The following IL5RA variants were observed in gnomAD, a reference collection of about 807,000 sequenced individuals.
IL5RA encodes interleukin 5 receptor subunit alpha.
Under a neutral mutation model 50.0 loss-of-function variants are expected in IL5RA, and 49 were observed. The ratio of observed to expected loss-of-function variants is 0.98; its 90% CI spans 0.78 to 1.24. The LOEUF (loss-of-function observed/expected upper bound fraction) is 1.24, where lower values mean the gene tolerates loss of function less well. IL5RA is among the 50% of genes most tolerant of loss of function. IL5RA has a pLI of 0.00. For synonymous variants in IL5RA, 202 were observed against 174.0 expected, an observed-to-expected ratio of 1.16 and a Z score of -1.26; for missense variants, 600 against 500.4, an observed-to-expected ratio of 1.20 and a Z score of -1.90.
chr3:3,098,159 T>C lies in IL5RA; in HGVS notation c.499A>G (p.Thr167Ala), dbSNP rs1170561178. The C allele has an allele frequency of 3.1e-6, 5 of 1,614,058 alleles. No individual in the cohort carries two copies. In the East Asian group the frequency reaches 8.9e-5, roughly 29 times the overall value. ...WLVGTDAPEDTQYFLYYRYGS... is the reference protein window; with the variant it reads ...WLVGTDAPEDAQYFLYYRYGS... ...AACCTATAGTAGAGAAAATACTGCG[T>C]GTCCTCAGGGGCATCTGTGCCAACA... Residue 167 changes from threonine (T) to alanine (A), a missense_variant, in exon 6 of 12, where the codon ACG (threonine) becomes GCG (alanine). Transcript: ENST00000446632.
intron 10 of IL5RA, among the ~76,000 whole-genome samples, chr3:3,075,553 A>G (rs767557858): frequency 1.8e-4 from 27 of 151,050 alleles, no homozygotes; most frequent in East Asian, 2.0e-4. Flanking sequence ...CAAACTGTAG[A>G]TGCCATCCGA....
At position 3,084,977 on chromosome 3, in the gene IL5RA, C is replaced by A. The variant is rs78008881; in HGVS notation, c.994+7247G>T. ...TAGGCACCAATAGAGGTGGCTGCGC[C>A]TGAAAGCACTGTGGGAACTCCCTGC... On this transcript the variant is annotated intron_variant, in intron 9 of 11. Coordinates refer to ENST00000446632, the MANE Select transcript of IL5RA (RefSeq NM_175726.4). Among the ~76,000 whole-genome samples the A allele has an allele frequency of 6.5e-4, 99 of 152,368 alleles. 1 individual carries two copies. In the East Asian group the frequency reaches 0.017, roughly 27 times the overall value.
rs1214451320 is a variant in IL5RA, at chr3:3,074,241, ATT to A, written c.1176+539_1176+540del. ...CTGAAAATTCTCTATTAACTAAGATATTCATGTGGAAACATGGAGTCTTAAAA... is the reference window on the plus strand; with the variant it reads ...CTGAAAATTCTCTATTAACTAAGATACATGTGGAAACATGGAGTCTTAAAA... On this transcript the variant is annotated intron_variant, in intron 11 of 11. Transcript: ENST00000446632. Among the ~76,000 whole-genome samples the A allele has an allele frequency of 2.6e-5, 4 of 152,362 alleles. No individual in the cohort carries two copies. In the East Asian group the frequency reaches 7.7e-4, roughly 29 times the overall value.
At chr3:3,077,245 T>C (rs935157074) in intron 9 of IL5RA, among the ~76,000 whole-genome samples, 62 of 152,390 alleles carry the variant, frequency 4.1e-4, no homozygotes, top group African/African-American at 1.5e-3. Context: ...ATGCCACTTA[T>C]TCTCTGTTTA....
rs760670295 is a variant in IL5RA, at chr3:3,068,587, C to CAAAAAAAAAA, written c.*1628_*1637dup. ...AAGACTGTCTCCACCACCCACCCCA[C>CAAAAAAAAAA]AAAAAAAAAAAAAAAAAAAAACAAA... On this transcript the variant is annotated 3_prime_UTR_variant, in exon 12 of 12. Transcript: ENST00000446632. 84 of 35,550 alleles carry CAAAAAAAAAA rather than the reference C, an allele frequency of 2.4e-3. 6 individuals are homozygous for CAAAAAAAAAA. Among genetic ancestry groups the CAAAAAAAAAA allele is most frequent in the African/African-American group, 7.1e-3 (80 of 11,296 alleles). The allele number at this position is 35,550 out of a possible 1,614,324, so 2.2% of individuals were successfully genotyped here. A position where few individuals can be genotyped will look rare whatever the true frequency, so the allele number is the denominator to read the frequency against.
chr3:3,104,997 AC>A lies in IL5RA; in HGVS notation c.-3-11del. Reference sequence around the variant, plus strand: ...CCACGATGATCATATCCTACAGAAAACAAGGGAGATACCAAAATCATCTTGT... The same window carrying A: ...CCACGATGATCATATCCTACAGAAAAAAGGGAGATACCAAAATCATCTTGT... On this transcript the variant is annotated splice_polypyrimidine_tract_variant and intron_variant, in intron 2 of 11. Transcript: ENST00000446632. The A allele has an allele frequency of 6.4e-7, 1 of 1,572,516 alleles. No individual in the cohort carries two copies. The highest frequency in any genetic ancestry group is 1.1e-5 in the South Asian group (1 of 87,604).
chr3:3,107,247 A>G (rs1020238826), intron 2 of IL5RA, among the ~76,000 whole-genome samples: 3 of 77,934 alleles, frequency 3.8e-5, no homozygotes, highest in African/African-American at 8.5e-5. Context: ...AAAAAGAATG[A>G]CATTTTTTTT....
rs1274879772 is a variant in IL5RA at position 3,074,802 on chromosome 3, A to G, written c.1156T>C (p.Phe386Leu). Residue 386 changes from phenylalanine to leucine, a missense_variant, in exon 11 of 12, where the codon TTT becomes CTT. Physicochemically the swap from Phe to Leu is conservative, Grantham distance 22. Transcript: ENST00000446632. ...ATTACCTCATAGTTAGTGGTTACAA[A>G]GAGATCTTTGATATTACTTTTTGGT... is the stretch of plus-strand genomic sequence containing the variant. ...PAPKSNIKDL[F>L]VTTNYEKAGS... is the part of the protein sequence containing the mutation. 3 of 1,604,820 alleles carry G rather than the reference A, an allele frequency of 1.9e-6. No individual in the cohort carries two copies. The highest frequency in any genetic ancestry group is 2.6e-6 in the Non-Finnish European group (3 of 1,171,516).
rs775147545 is a variant in IL5RA at position 3,104,874 on chromosome 3, CATT to C, written c.82+26_82+28del. 4.5e-6 allele frequency: 6 copies of C among 1,346,290 alleles called. No homozygotes were observed. The East Asian group carries it at 6.9e-5, about 15-fold the overall frequency. 83.4% of individuals were successfully genotyped at this position (1,346,290 alleles called of 1,614,324 possible). On this transcript the variant is annotated intron_variant, in intron 3 of 11. Transcript: ENST00000446632. ...TTACTAACATATTTTTAAAAATAAA[CATT>C]ATTGAATTGAATAGAAGGTCCTTAC...
At position 3,067,173 on chromosome 3, in the gene IL5RA, T is replaced by G. The variant is rs1448903090; in HGVS notation, c.*3052A>C. The G allele has an allele frequency of 6.6e-6, 1 of 152,214 alleles. No homozygotes were observed. Among genetic ancestry groups the G allele is most frequent in the Non-Finnish European group, 1.5e-5 (1 of 68,046 alleles). 9.4% of individuals were successfully genotyped at this position (152,214 alleles called of 1,614,324 possible). A position where few individuals can be genotyped will look rare whatever the true frequency, so the allele number is the denominator to read the frequency against. On this transcript the variant is annotated 3_prime_UTR_variant, in exon 12 of 12. Transcript: ENST00000446632. The stretch of plus-strand genomic sequence containing the variant: ...TCTGAAATGCCTCTTACACAGCAAT[T>G]TATACATAACCATTTAGACACTTTG...
In IL5RA at chr3:3,070,091, G is replaced by T; in HGVS notation, c.*134C>A. 3.0e-6 allele frequency: 2 copies of T among 669,572 alleles called. No individual in the cohort carries two copies. The highest frequency in any genetic ancestry group is 5.4e-6 in the Non-Finnish European group (2 of 371,084). The allele number at this position is 669,572 out of a possible 1,614,324, so 41.5% of individuals were successfully genotyped here. On this transcript the variant is annotated 3_prime_UTR_variant, in exon 12 of 12. Coordinates refer to ENST00000446632, the MANE Select transcript of IL5RA (RefSeq NM_175726.4). ...TAAGAGATACAAGACTGGTGTGTCT[G>T]GGTGTATTGCTTCGCAGGTAAATTG...
chr3:3,098,498 C>T (rs1703472173), intron 5 of IL5RA, among the ~76,000 whole-genome samples: 1 of 152,126 alleles, frequency 6.6e-6, no homozygotes, highest in African/African-American at 2.4e-5. Context: ...ACCTCTGCCT[C>T]CTGGCTTGGA....
At chr3:3,076,686 A>G in intron 9 of IL5RA, 59 bp from the exon 10 acceptor site, 8 of 1,117,848 alleles carry the variant, frequency 7.2e-6, no homozygotes, top group African/African-American at 3.1e-5. Context: ...AGCAGCAGGT[A>G]AAAGAAATGA....
chr3:3,109,736 A>T (rs1225647928), intron 1 of IL5RA, among the ~76,000 whole-genome samples: 2 of 152,186 alleles, frequency 1.3e-5, no homozygotes, highest in African/African-American at 4.8e-5. Context: ...ATAGAATTAT[A>T]AGGAGTTTTG....
chr3:3,071,598 T>TGTGTGTGTA (rs1491222432), intron 11 of IL5RA, among the ~76,000 whole-genome samples: 9 of 127,488 alleles, frequency 7.1e-5, no homozygotes, highest in African/African-American at 2.7e-4. Context: ...TGTGTGTGTA[T>TGTGTGTGTA]TTTTTTTTTT....
intron 4 of IL5RA, among the ~76,000 whole-genome samples, chr3:3,102,360 C>T (rs1703691570): frequency 6.6e-6 from 1 of 152,228 alleles, no homozygotes; most frequent in Non-Finnish European, 1.5e-5. Flanking sequence ...GCTACTGTCT[C>T]CTGTTCTGTT....
intron 7 of IL5RA, 145 bp downstream of exon 7, chr3:3,097,725 C>G: frequency 1.2e-6 from 1 of 830,660 alleles, no homozygotes; most frequent in Non-Finnish European, 1.8e-6. Flanking sequence ...GAATGGAGAA[C>G]CTTGCCCCAG....
rs17885926 is a variant in IL5RA, at chr3:3,085,798, C to T, written c.994+6426G>A. The stretch of plus-strand genomic sequence containing the variant: ...TCCTAACAGATTCTAGGATGTGTCA[C>T]GGGACTCTGAGACCCCCACTCCACC... On this transcript the variant is annotated intron_variant, in intron 9 of 11. Transcript: ENST00000446632. Among the ~76,000 whole-genome samples the T allele has an allele frequency of 7.7e-3, 1,171 of 152,214 alleles. 19 individuals are homozygous for T. The highest frequency in any genetic ancestry group is 0.026 in the African/African-American group (1,085 of 41,518).
At chr3:3,084,514 G>A (rs1348476839) in intron 9 of IL5RA, among the ~76,000 whole-genome samples, 1 of 152,206 alleles carries the variant, frequency 6.6e-6, no homozygotes, top group Non-Finnish European at 1.5e-5. Flanking sequence ...AGACAAGAAT[G>A]GCCTGAAGAG....
Sources: gnomAD v4.1 joint callset for allele counts (sites outside exome capture counted in the v4.1 genomes callset) on GRCh38, gnomAD v4.1.1 for gene constraint, MANE v1.5 for transcripts, NCBI Gene and HGNC (gene_info 2026-07-23, HGNC 2026-07-21) for gene names.